DPP6: variants seen among roughly 807,000 people sequenced by gnomAD.
DPP6 encodes the protein A-type potassium channel modulatory protein DPP6.
A neutral mutation model predicts 122.6 loss-of-function variants in DPP6; 69 were observed. The ratio of observed to expected loss-of-function variants is 0.56; its 90% CI spans 0.46 to 0.69. The LOEUF (loss-of-function observed/expected upper bound fraction) is 0.69. Ranked by LOEUF, DPP6 falls within the 30% of genes least tolerant of loss-of-function variation. The pLI is 0.00. For synonymous variants in DPP6, 418 were observed against 433.1 expected (o/e 0.97, Z 0.43); for missense variants, 928 against 1,116.9 (o/e 0.83, Z 2.41).
chr7:154,369,614 C>T (rs1812473510), intron 1 of DPP6, among the ~76,000 whole-genome samples: 4 of 152,192 alleles, frequency 2.6e-5, no homozygotes, highest in Admixed American at 6.5e-5. Flanking sequence ...GATCCACCTG[C>T]CTTGGCCTCC....
chr7:153,899,758 C>T (rs1275761482), intron 1 of DPP6, among the ~76,000 whole-genome samples: 1 of 152,160 alleles, frequency 6.6e-6, no homozygotes, highest in East Asian at 1.9e-4. Flanking sequence ...CCCACTGACT[C>T]CATGTGAGTG....
At chr7:154,093,860 G>A (rs1447555186) in intron 1 of DPP6, 1 of 149,730 alleles carries the variant, frequency 6.7e-6, no homozygotes, top group African/African-American at 2.5e-5. Context: ...GTGTGGGTAG[G>A]GGGATCCCGC....
At chr7:154,408,903 G>A (rs1027874074) in intron 1 of DPP6, among the ~76,000 whole-genome samples, 1 of 152,144 alleles carries the variant, frequency 6.6e-6, no homozygotes, top group African/African-American at 2.4e-5. Context: ...CACTTTGGGA[G>A]GCCGAGGCTG....
Position 154,158,779 on chromosome 7 carries a change from A to G in DPP6, c.243+105716A>G, listed in dbSNP as rs548983404. ...CAGCTTTTAAACTGAGGACTCTCCT[A>G]TTTGATGGACTTTTCTCTGGAGCCC... On this transcript the variant is annotated intron_variant, in intron 1 of 25. Transcript: ENST00000377770. Among the ~76,000 whole-genome samples the G allele has an allele frequency of 2.6e-5, 4 of 152,114 alleles. No homozygotes were observed. The East Asian group carries it at 7.7e-4, about 29-fold the overall frequency.
chr7:153,854,206 T>A, the DPP6 span, among the ~76,000 whole-genome samples: 1 of 151,706 alleles, frequency 6.6e-6, no homozygotes, highest in Non-Finnish European at 1.5e-5. Flanking sequence ...TTGATCTATA[T>A]CTCTGTTTTG....
chr7:154,278,930 T>C (rs1365352499), intron 1 of DPP6, among the ~76,000 whole-genome samples: 4 of 151,934 alleles, frequency 2.6e-5, no homozygotes, highest in Admixed American at 1.3e-4. Context: ...TATGTGTATG[T>C]ATGTGTGTTT....
At chr7:154,523,985 G>T (rs1827207465) in intron 3 of DPP6, among the ~76,000 whole-genome samples, 1 of 152,140 alleles carries the variant, frequency 6.6e-6, no homozygotes, top group Admixed American at 6.5e-5. Context: ...TACGACAGGG[G>T]CTACAAAGCG....
chr7:154,600,848 T>C (rs1833380242), intron 5 of DPP6, among the ~76,000 whole-genome samples: 1 of 120,864 alleles, frequency 8.3e-6, no homozygotes, highest in African/African-American at 2.6e-5. Flanking sequence ...TCCCAGCACT[T>C]TGGGAGGCTG....
chr7:153,850,880 G>C, the DPP6 span, among the ~76,000 whole-genome samples: 1 of 152,142 alleles, frequency 6.6e-6, no homozygotes, highest in African/African-American at 2.4e-5. Flanking sequence ...GATTTGGGTG[G>C]AGACACAGCC....
At chr7:154,625,695 C>T (rs1199838411) in intron 5 of DPP6, among the ~76,000 whole-genome samples, 2 of 152,188 alleles carry the variant, frequency 1.3e-5, no homozygotes, top group Non-Finnish European at 2.9e-5. Context: ...TGCAAAGAAG[C>T]CCCAAGCTGC....
chr7:154,133,984 G>A (rs1400377230), intron 1 of DPP6, among the ~76,000 whole-genome samples: 6 of 151,608 alleles, frequency 4.0e-5, no homozygotes, highest in Middle Eastern at 3.2e-3. Flanking sequence ...TGCTGGAAGA[G>A]CTCCCAAACC....
chr7:154,387,170 C>T (rs965711649), intron 1 of DPP6, among the ~76,000 whole-genome samples: 2 of 152,088 alleles, frequency 1.3e-5, no homozygotes, highest in Non-Finnish European at 2.9e-5. Flanking sequence ...CTCTGAGCTC[C>T]GGACAAATTC....
At chr7:153,962,214 C>CAGG (rs1386295554) in intron 1 of DPP6, among the ~76,000 whole-genome samples, 4 of 152,004 alleles carry the variant, frequency 2.6e-5, no homozygotes, top group Non-Finnish European at 4.4e-5. Context: ...AGTGAGGTGC[C>CAGG]AGGAGATAAT....
At chr7:154,062,893 A>G (rs796671615) in intron 1 of DPP6, among the ~76,000 whole-genome samples, 3 of 131,598 alleles carry the variant, frequency 2.3e-5, no homozygotes, top group African/African-American at 2.8e-5. Flanking sequence ...CGTTGATCCT[A>G]AGATCCTTAG....
chr7:154,555,968 A>G (rs1830009285), intron 4 of DPP6, among the ~76,000 whole-genome samples: 1 of 152,174 alleles, frequency 6.6e-6, no homozygotes, highest in Non-Finnish European at 1.5e-5. Context: ...AATCCTAATT[A>G]GAACTCTGAA....
the DPP6 span, among the ~76,000 whole-genome samples, chr7:153,859,432 A>G: frequency 6.6e-6 from 1 of 152,216 alleles, no homozygotes; most frequent in Non-Finnish European, 1.5e-5. Context: ...CACGTGTTCC[A>G]TGAGACGTGG....
chr7:153,859,140 A>G, the DPP6 span, among the ~76,000 whole-genome samples: 1 of 152,262 alleles, frequency 6.6e-6, no homozygotes. Flanking sequence ...CACCTGTGCA[A>G]TAAGGGTGTT....
chr7:154,335,471 C>A (rs1289256258), intron 1 of DPP6, among the ~76,000 whole-genome samples: 1 of 152,200 alleles, frequency 6.6e-6, no homozygotes, highest in African/African-American at 2.4e-5. Flanking sequence ...ACACAACTAA[C>A]CTATAAACAA....
chr7:154,616,517 G>C (rs1267885321), intron 5 of DPP6, among the ~76,000 whole-genome samples: 1 of 152,066 alleles, frequency 6.6e-6, no homozygotes, highest in Non-Finnish European at 1.5e-5. Context: ...GAGAGTTGCT[G>C]GTTTAGGAGG....
Sources: allele counts gnomAD v4.1 joint callset (sites outside exome capture counted in the v4.1 genomes callset), GRCh38; gene constraint gnomAD v4.1.1; transcripts MANE v1.5; gene names NCBI Gene and HGNC (gene_info 2026-07-23, HGNC 2026-07-21).